SGCD: variants seen among roughly 807,000 people sequenced by gnomAD.
SGCD encodes the protein delta-sarcoglycan.
Under a neutral mutation model 36.6 loss-of-function variants are expected in SGCD, and 18 were observed. The observed-to-expected ratio is 0.49, with a 90% CI of 0.34 to 0.73. The LOEUF (loss-of-function observed/expected upper bound fraction) is 0.73. Among genes scored for constraint, SGCD ranks in the 30% least tolerant of loss-of-function variants. The pLI, the probability that SGCD is intolerant of heterozygous loss-of-function variation, is 0.01. For synonymous variants in SGCD, 133 were observed against 130.6 expected (o/e 1.02, Z -0.12); for missense variants, 387 against 346.7 (o/e 1.12, Z -0.92).
chr5:156,486,116 C>T (rs973767635), intron 3 of SGCD, among the ~76,000 whole-genome samples: 1 of 152,062 alleles, frequency 6.6e-6, no homozygotes, highest in African/African-American at 2.4e-5. Context: ...CAGACTATAT[C>T]CTGCCCTGAG....
the SGCD span, among the ~76,000 whole-genome samples, chr5:155,782,860 C>G: frequency 2.1e-4 from 32 of 152,272 alleles, no homozygotes; most frequent in African/African-American, 7.7e-4. Context: ...AACCATCCCC[C>G]TCTTTACCCT....
intron 4 of SGCD, among the ~76,000 whole-genome samples, chr5:156,518,388 T>A (rs1757269714): frequency 6.6e-6 from 1 of 152,182 alleles, no homozygotes. Context: ...ACAATAATAG[T>A]GTGAGACTTT....
the SGCD span, among the ~76,000 whole-genome samples, chr5:155,735,529 G>A: frequency 5.4e-4 from 83 of 152,344 alleles, no homozygotes; most frequent in Middle Eastern, 0.01. Flanking sequence ...CATCCAGCAA[G>A]TTAGTGCCAC....
At chr5:156,320,214 A>T (rs574260312) in intron 3 of SGCD, among the ~76,000 whole-genome samples, 462 of 151,908 alleles carry the variant, frequency 3.0e-3, no homozygotes, top group African/African-American at 0.011. Context: ...GAAGTTTACC[A>T]TTAGCTTGGA....
chr5:156,687,857 G>A (rs781434635), intron 7 of SGCD, among the ~76,000 whole-genome samples: 33 of 152,256 alleles, frequency 2.2e-4, no homozygotes, highest in East Asian at 1.9e-4. Flanking sequence ...GGTAACCATC[G>A]TTCGTTACCA....
intron 7 of SGCD, among the ~76,000 whole-genome samples, chr5:156,696,886 C>T (rs1245744222): frequency 6.7e-6 from 1 of 150,370 alleles, no homozygotes; most frequent in African/African-American, 2.5e-5. Context: ...CTCTTAGAAC[C>T]CTCTTCTCTC....
At chr5:156,366,113 T>C (rs1770091046) in intron 3 of SGCD, among the ~76,000 whole-genome samples, 1 of 152,216 alleles carries the variant, frequency 6.6e-6, no homozygotes, top group Non-Finnish European at 1.5e-5. Context: ...GTGAGACCAT[T>C]CAGTCAGTGC....
chr5:156,601,275 A>G (rs1761180271), intron 6 of SGCD, among the ~76,000 whole-genome samples: 1 of 152,192 alleles, frequency 6.6e-6, no homozygotes, highest in Admixed American at 6.5e-5. Flanking sequence ...TGGGTTTTAC[A>G]TTTACATCTT....
chr5:156,349,067 C>T (rs1320824340), intron 3 of SGCD, among the ~76,000 whole-genome samples: 1 of 152,064 alleles, frequency 6.6e-6, no homozygotes, highest in South Asian at 2.1e-4. Context: ...GAAACTGGAT[C>T]CTTGTCTCTC....
At chr5:156,657,313 G>C (rs1346780398) in intron 7 of SGCD, among the ~76,000 whole-genome samples, 1 of 151,040 alleles carries the variant, frequency 6.6e-6, no homozygotes, top group African/African-American at 2.4e-5. Flanking sequence ...TGTTACATAT[G>C]TATACATGTG....
chr5:156,273,825 C>T (rs545760550), intron 3 of SGCD, among the ~76,000 whole-genome samples: 2 of 152,158 alleles, frequency 1.3e-5, no homozygotes, highest in Non-Finnish European at 2.9e-5. Context: ...GTCCTTGTAG[C>T]TAAAATTGGT....
chr5:156,671,329 G>A (rs1753284400), intron 7 of SGCD, among the ~76,000 whole-genome samples: 1 of 145,344 alleles, frequency 6.9e-6, no homozygotes, highest in Admixed American at 7.0e-5. Flanking sequence ...CTGGAGTGCA[G>A]TGGCTCAATT....
chr5:155,973,377 G>T (rs1758044244), intron 1 of SGCD, among the ~76,000 whole-genome samples: 1 of 152,154 alleles, frequency 6.6e-6, no homozygotes. Flanking sequence ...CACTGAGAAG[G>T]TTTTTAAGGA....
chr5:156,507,666 G>A (rs1297443980), intron 3 of SGCD, among the ~76,000 whole-genome samples: 1 of 152,060 alleles, frequency 6.6e-6, no homozygotes, highest in African/African-American at 2.4e-5. Flanking sequence ...ATGAAATTAT[G>A]GGAATGTTCA....
chr5:156,457,563 C>T (rs899846309), intron 3 of SGCD, among the ~76,000 whole-genome samples: 8 of 152,184 alleles, frequency 5.3e-5, no homozygotes, highest in African/African-American at 1.9e-4. Flanking sequence ...TGTTTTGGCT[C>T]ACATTCAGGA....
At chr5:156,226,516 T>A (rs1764863986) in intron 3 of SGCD, among the ~76,000 whole-genome samples, 2 of 152,196 alleles carry the variant, frequency 1.3e-5, no homozygotes, top group Non-Finnish European at 2.9e-5. Flanking sequence ...TGAATTGTGC[T>A]GCTATAAACA....
At chr5:156,077,481 C>G (rs1030005805) in intron 1 of SGCD, among the ~76,000 whole-genome samples, 5 of 152,206 alleles carry the variant, frequency 3.3e-5, no homozygotes, top group Non-Finnish European at 7.4e-5. Context: ...ATCAAAATTT[C>G]TATTAAAACT....
rs1554107842 is a variant in SGCD, at chr5:156,487,813, A to AAAAAAAAAAAAAAAAAAAAAAAAAAAG, written c.193-20785_193-20784insAAAAAAAAAAAAAAAAAAAAAAAGAAA. On this transcript the variant is annotated intron_variant, in intron 3 of 8. Coordinates refer to ENST00000337851, the MANE Select transcript of SGCD (RefSeq NM_000337.6). The stretch of plus-strand genomic sequence containing the variant: ...CAAAAAAAAAAAAAAAAAAAAAAAA[A>AAAAAAAAAAAAAAAAAAAAAAAAAAAG]AAAGAAAGAAAGAAAAAGCTTAACA... Among the ~76,000 whole-genome samples the AAAAAAAAAAAAAAAAAAAAAAAAAAAG allele has an allele frequency of 1.4e-4, 11 of 77,816 alleles. 1 individual carries two copies. Among genetic ancestry groups the AAAAAAAAAAAAAAAAAAAAAAAAAAAG allele is most frequent in the East Asian group, 4.4e-4 (1 of 2,286 alleles). The allele number at this position is 77,816 out of a possible 152,430, so 51.1% of individuals were successfully genotyped here.
At chr5:155,892,911 C>G (rs79691288) in intron 1 of SGCD, among the ~76,000 whole-genome samples, 3,937 of 152,212 alleles carry the variant, frequency 0.026, 161 homozygotes, top group African/African-American at 0.09. Flanking sequence ...AAGAGTTAAT[C>G]TTATAGAAAT....
Sources: gnomAD v4.1 joint callset for allele counts (sites outside exome capture counted in the v4.1 genomes callset) on GRCh38, gnomAD v4.1.1 for gene constraint, MANE v1.5 for transcripts, NCBI Gene and HGNC (gene_info 2026-07-23, HGNC 2026-07-21) for gene names.